Variants in ST8SIA2 observed in about 807,000 individuals in gnomAD.
ST8SIA2 encodes the protein alpha-2,8-sialyltransferase 8B.
A neutral mutation model predicts 37.6 loss-of-function variants in ST8SIA2; 22 were observed. The observed-to-expected ratio is 0.58, with a 90% CI of 0.42 to 0.83. The LOEUF (loss-of-function observed/expected upper bound fraction) is 0.83. Among genes scored for constraint, ST8SIA2 ranks in the 40% least tolerant of loss-of-function variants. ST8SIA2 has a pLI of 0.00. For synonymous variants in ST8SIA2, 205 were observed against 201.2 expected (o/e 1.02, Z -0.16); for missense variants, 382 against 484.7 (o/e 0.79, Z 1.99).
intron 5 of ST8SIA2, among the ~76,000 whole-genome samples, chr15:92,453,686 G>A (rs2049899203): frequency 6.6e-6 from 1 of 152,202 alleles, no homozygotes; most frequent in Non-Finnish European, 1.5e-5. Context: ...CCAGAGAGGG[G>A]CCACAGTGGC....
At chr15:92,409,968 G>T (rs541172802) in intron 1 of ST8SIA2, among the ~76,000 whole-genome samples, 1 of 152,230 alleles carries the variant, frequency 6.6e-6, no homozygotes, top group African/African-American at 2.4e-5. Flanking sequence ...GTGGGGGAGC[G>T]AGTTGTGTAA....
chr15:92,434,111 C>A, intron 2 of ST8SIA2, 136 bp from the exon 3 acceptor site: 1 of 1,205,508 alleles, frequency 8.3e-7, no homozygotes, highest in Non-Finnish European at 1.2e-6. Context: ...ACTTCCTTCT[C>A]TTCTCAGGTA....
chr15:92,405,515 G>A (rs1463061182), intron 1 of ST8SIA2, among the ~76,000 whole-genome samples: 1 of 152,216 alleles, frequency 6.6e-6, no homozygotes, highest in Non-Finnish European at 1.5e-5. Flanking sequence ...AAACACACAC[G>A]CGCGCAAGCA....
At chr15:92,430,246 C>CCAAAAG in intron 2 of ST8SIA2, 135 bp downstream of exon 2, 4 of 906,690 alleles carry the variant, frequency 4.4e-6, no homozygotes, top group Non-Finnish European at 7.0e-6. Flanking sequence ...TTGCATTTCC[C>CCAAAAG]TAATCACTTT....
intron 1 of ST8SIA2, among the ~76,000 whole-genome samples, chr15:92,406,291 G>T (rs374986080): frequency 6.6e-6 from 1 of 152,192 alleles, no homozygotes; most frequent in African/African-American, 2.4e-5. Flanking sequence ...GTTTCCACAG[G>T]CCTGGGGCAG....
intron 1 of ST8SIA2, among the ~76,000 whole-genome samples, chr15:92,398,779 G>C (rs2049450269): frequency 6.6e-6 from 1 of 152,204 alleles, no homozygotes; most frequent in South Asian, 2.1e-4. Flanking sequence ...GCATGCTCTT[G>C]ACCATTGTGC....
intron 1 of ST8SIA2, among the ~76,000 whole-genome samples, chr15:92,407,006 A>G (rs2141804894): frequency 6.7e-6 from 1 of 150,314 alleles, no homozygotes; most frequent in Non-Finnish European, 1.5e-5. Flanking sequence ...AAAAAAAAAA[A>G]AAGAAAAGAA....
intron 3 of ST8SIA2, among the ~76,000 whole-genome samples, chr15:92,436,383 A>G (rs2049758920): frequency 6.6e-6 from 1 of 152,146 alleles, no homozygotes; most frequent in Admixed American, 6.5e-5. Flanking sequence ...CTTCATAAAG[A>G]CCCTGCAAAC....
At chr15:92,428,537 C>T (rs139681510) in intron 1 of ST8SIA2, among the ~76,000 whole-genome samples, 53 of 152,264 alleles carry the variant, frequency 3.5e-4, no homozygotes, top group African/African-American at 1.2e-3. Context: ...CAGTGACCCA[C>T]GGGCCATAGC....
rs912956635 is a variant in ST8SIA2 at position 92,407,356 on chromosome 15, A to G, written c.98+13194A>G. ...GAGATCTTAACCGAGGGTTGAAGTG[A>G]TTTATTACATAAGTCCAAGGAGGAT... On this transcript the variant is annotated intron_variant, in intron 1 of 5. Coordinates refer to ENST00000268164, the MANE Select transcript of ST8SIA2 (RefSeq NM_006011.4). 3.3e-5 allele frequency among the ~76,000 whole-genome samples: 5 copies of G among 152,232 alleles called. No homozygotes were observed. In the East Asian group the frequency reaches 9.6e-4, roughly 29 times the overall value.
At chr15:92,404,116 T>G (rs1026865009) in intron 1 of ST8SIA2, among the ~76,000 whole-genome samples, 1 of 152,224 alleles carries the variant, frequency 6.6e-6, no homozygotes, top group Non-Finnish European at 1.5e-5. Context: ...ACTTAGGTAT[T>G]CATCATACAT....
intron 5 of ST8SIA2, among the ~76,000 whole-genome samples, chr15:92,452,574 C>A (rs1313438880): frequency 6.6e-6 from 1 of 152,176 alleles, no homozygotes; most frequent in African/African-American, 2.4e-5. Context: ...AATAGGTTAC[C>A]AATCCCATGG....
At chr15:92,450,238 C>G (rs56152327) in intron 5 of ST8SIA2, among the ~76,000 whole-genome samples, 56,283 of 152,086 alleles carry the variant, frequency 0.37, 11,263 homozygotes, top group South Asian at 0.53. Context: ...AGAACTCTTA[C>G]AGCTCAACAA....
At position 92,414,980 on chromosome 15, in the gene ST8SIA2, C is replaced by T. The variant is rs538143452; in HGVS notation, c.99-15069C>T. 7.9e-5 allele frequency among the ~76,000 whole-genome samples: 12 copies of T among 152,336 alleles called. No individual in the cohort carries two copies. The South Asian group carries it at 2.3e-3, about 29-fold the overall frequency. ...AAGAGGCAGAACCTCTCCTCCGCCC[C>T]CTTTCCTCCCCAGAGCCCTGGGCTC... On this transcript the variant is annotated intron_variant, in intron 1 of 5. Transcript: ENST00000268164.
At chr15:92,433,521 C>T (rs1341580371) in intron 2 of ST8SIA2, among the ~76,000 whole-genome samples, 8 of 152,234 alleles carry the variant, frequency 5.3e-5, no homozygotes, top group Admixed American at 5.2e-4. Flanking sequence ...GGTGTTTACC[C>T]AGAATCGTGA....
chr15:92,451,386 C>T (rs888304464), intron 5 of ST8SIA2, among the ~76,000 whole-genome samples: 5 of 152,146 alleles, frequency 3.3e-5, no homozygotes, highest in Non-Finnish European at 5.9e-5. Context: ...AGCACCTTAT[C>T]GGGGAGAACA....
At position 92,464,328 on chromosome 15, in the gene ST8SIA2, C is replaced by T; in HGVS notation, c.1071C>T (p.Ser357=). 1 of 1,614,020 alleles carries T rather than the reference C, an allele frequency of 6.2e-7. No homozygotes were observed. Among genetic ancestry groups the T allele is most frequent in the South Asian group, 1.1e-5 (1 of 91,058 alleles). Residue 357 remains serine, a synonymous_variant, in exon 6 of 6, where the codon AGC becomes AGT. Coordinates refer to ENST00000268164, the MANE Select transcript of ST8SIA2 (RefSeq NM_006011.4). The part of the protein sequence containing the change: ...TMPLEFKALK[S]LHEQGALKLT... ...CCTTGGAGTTTAAGGCCCTCAAGAGCCTACATGAGCAGGGGGCTTTGAAAC... is the reference window on the plus strand; with the variant it reads ...CCTTGGAGTTTAAGGCCCTCAAGAGTCTACATGAGCAGGGGGCTTTGAAAC...
At chr15:92,442,608 G>A (rs193124407) in intron 4 of ST8SIA2, among the ~76,000 whole-genome samples, 4 of 152,278 alleles carry the variant, frequency 2.6e-5, no homozygotes, top group Non-Finnish European at 5.9e-5. Context: ...GGCCTTGGAA[G>A]CCTGGCTCAG....
chr15:92,423,286 G>A lies in ST8SIA2; in HGVS notation c.99-6763G>A, dbSNP rs144205433. ...TAAAAATGGTTAAGATGGGCCAGGC[G>A]CAGTGGCTCATGTAATCCCAGGTAC... is the stretch of plus-strand genomic sequence containing the variant. On this transcript the variant is annotated intron_variant, in intron 1 of 5. Coordinates refer to ENST00000268164, the MANE Select transcript of ST8SIA2 (RefSeq NM_006011.4). 5.3e-5 allele frequency among the ~76,000 whole-genome samples: 8 copies of A among 152,288 alleles called. No homozygotes were observed. The East Asian group carries it at 9.7e-4, about 18-fold the overall frequency.
Sources: gnomAD v4.1 joint callset for allele counts (sites outside exome capture counted in the v4.1 genomes callset) on GRCh38, gnomAD v4.1.1 for gene constraint, MANE v1.5 for transcripts, NCBI Gene and HGNC (gene_info 2026-07-23, HGNC 2026-07-21) for gene names.